The following CCSER1 variants were observed in gnomAD, a reference collection of about 807,000 sequenced individuals.
CCSER1 encodes coiled-coil serine rich protein 1.
In CCSER1, 41 loss-of-function variants were observed where a neutral mutation model predicts 82.0. The ratio of observed to expected loss-of-function variants is 0.50; its 90% confidence interval spans 0.39 to 0.65. The LOEUF (loss-of-function observed/expected upper bound fraction) is 0.65. Ranked by LOEUF, CCSER1 falls within the 30% of genes least tolerant of loss-of-function variation. The pLI, the probability that CCSER1 is intolerant of heterozygous loss-of-function variation, is 0.00. For synonymous variants in CCSER1, 414 were observed against 383.9 expected (o/e 1.08, Z -0.92); for missense variants, 1,119 against 1,064.2 (o/e 1.05, Z -0.72).
intron 10 of CCSER1, among the ~76,000 whole-genome samples, chr4:91,323,974 A>C (rs1194322027): frequency 1.3e-5 from 2 of 152,182 alleles, no homozygotes; most frequent in Non-Finnish European, 2.9e-5. Flanking sequence ...TATGTAGTGG[A>C]CTTTTGGTAA....
chr4:90,712,322 C>T (rs1001249526), intron 6 of CCSER1, among the ~76,000 whole-genome samples: 9 of 151,694 alleles, frequency 5.9e-5, no homozygotes, highest in African/African-American at 2.2e-4. Context: ...AGCTATGTCC[C>T]AGAGATTCTG....
intron 1 of CCSER1, among the ~76,000 whole-genome samples, chr4:90,305,138 A>C (rs1194785011): frequency 6.6e-6 from 1 of 152,020 alleles, no homozygotes; most frequent in Non-Finnish European, 1.5e-5. Flanking sequence ...GGATGGTCTC[A>C]ATCTCCTGAC....
chr4:90,997,907 A>G (rs1416258883), intron 9 of CCSER1, among the ~76,000 whole-genome samples: 1 of 152,118 alleles, frequency 6.6e-6, no homozygotes, highest in Non-Finnish European at 1.5e-5. Flanking sequence ...GAAAGCTGAG[A>G]GCATAATATT....
chr4:90,970,409 G>C (rs1394095088), intron 9 of CCSER1, among the ~76,000 whole-genome samples: 1 of 151,726 alleles, frequency 6.6e-6, no homozygotes, highest in Admixed American at 6.6e-5. Flanking sequence ...GATATAGCAA[G>C]TGAAAAAAAT....
At chr4:90,745,991 C>T (rs1339297686) in intron 7 of CCSER1, among the ~76,000 whole-genome samples, 3 of 152,112 alleles carry the variant, frequency 2.0e-5, no homozygotes, top group African/African-American at 4.8e-5. Flanking sequence ...TGAGCCACCA[C>T]GCCCGGCCTC....
chr4:90,963,591 G>A (rs572425172), intron 9 of CCSER1, among the ~76,000 whole-genome samples: 2 of 151,956 alleles, frequency 1.3e-5, no homozygotes, highest in South Asian at 2.1e-4. Context: ...GTAAGAAGAC[G>A]GAAAACATGC....
chr4:90,994,232 A>C (rs1356418319), intron 9 of CCSER1, among the ~76,000 whole-genome samples: 1 of 152,060 alleles, frequency 6.6e-6, no homozygotes, highest in Non-Finnish European at 1.5e-5. Flanking sequence ...GGAAGAAAAA[A>C]GAAAATGCAT....
At chr4:91,367,952 T>A (rs556257572) in intron 10 of CCSER1, among the ~76,000 whole-genome samples, 1 of 152,338 alleles carries the variant, frequency 6.6e-6, no homozygotes, top group African/African-American at 2.4e-5. Context: ...TGTGTCTTAC[T>A]TTTTGAGTGG....
chr4:90,399,184 T>A (rs1008346021), intron 3 of CCSER1, among the ~76,000 whole-genome samples: 2 of 152,232 alleles, frequency 1.3e-5, no homozygotes, highest in East Asian at 3.9e-4. Flanking sequence ...AATATACAAA[T>A]CAGGACTTTA....
intron 5 of CCSER1, among the ~76,000 whole-genome samples, chr4:90,624,514 C>T (rs1395365504): frequency 6.6e-6 from 1 of 152,178 alleles, no homozygotes; most frequent in African/African-American, 2.4e-5. Flanking sequence ...GTCTGCCATA[C>T]TGACGAGAGA....
In CCSER1 at chr4:90,551,888, A is replaced by G. The variant is rs1777564131; in HGVS notation, c.1725-76137A>G. On this transcript the variant is annotated intron_variant, in intron 5 of 10. Transcript: ENST00000509176. ...TTAAAGAGCAGACATTGATTTTCTCATAGCTCCAGAGGCTGGAAGTGCAGG... is the reference window on the plus strand; with the variant it reads ...TTAAAGAGCAGACATTGATTTTCTCGTAGCTCCAGAGGCTGGAAGTGCAGG... Among the ~76,000 whole-genome samples, 3 of 152,102 alleles carry G rather than the reference A, an allele frequency of 2.0e-5. 1 individual carries two copies. In the Middle Eastern group the frequency reaches 0.01, roughly 517 times the overall value.
chr4:90,645,643 T>C (rs768776959), intron 6 of CCSER1, among the ~76,000 whole-genome samples: 5 of 152,220 alleles, frequency 3.3e-5, no homozygotes, highest in Non-Finnish European at 7.3e-5. Context: ...TTGTTTAACT[T>C]AACTCTTGGT....
chr4:90,973,764 T>A (rs1735342580), intron 9 of CCSER1, among the ~76,000 whole-genome samples: 1 of 151,562 alleles, frequency 6.6e-6, no homozygotes, highest in African/African-American at 2.4e-5. Context: ...AACGTAAATA[T>A]CTGCCCGTGG....
intron 10 of CCSER1, among the ~76,000 whole-genome samples, chr4:91,117,570 A>G (rs1049875500): frequency 1.8e-4 from 28 of 152,362 alleles, no homozygotes; most frequent in Admixed American, 7.8e-4. Context: ...AACCAAAACC[A>G]TCTTTTAAAA....
chr4:90,569,744 G>A (rs546272484), intron 5 of CCSER1, among the ~76,000 whole-genome samples: 21 of 152,164 alleles, frequency 1.4e-4, no homozygotes, highest in Middle Eastern at 3.2e-3. Context: ...TCTCCATCTT[G>A]TGCTGAGTGG....
intron 10 of CCSER1, among the ~76,000 whole-genome samples, chr4:91,437,272 A>T (rs1233634914): frequency 1.3e-5 from 2 of 152,224 alleles, no homozygotes; most frequent in Non-Finnish European, 2.9e-5. Flanking sequence ...CCCTGGGGGA[A>T]GCATGTTTGT....
rs1161111088 is a variant in CCSER1, at chr4:91,153,800, C to G, written c.2217+67806C>G. On this transcript the variant is annotated intron_variant, in intron 10 of 10. Coordinates refer to ENST00000509176, the MANE Select transcript of CCSER1 (RefSeq NM_001145065.2). ...CTCCAGACCCTGTTTGCCTGGGTAT[C>G]ACCAGCGGAGGCTGCAGAACTGCAA... 2.6e-5 allele frequency among the ~76,000 whole-genome samples: 4 copies of G among 152,056 alleles called. No individual in the cohort carries two copies. In the East Asian group the frequency reaches 7.7e-4, roughly 29 times the overall value.
chr4:90,573,629 G>A (rs76146656), intron 5 of CCSER1, among the ~76,000 whole-genome samples: 2,978 of 152,238 alleles, frequency 0.02, 92 homozygotes, highest in African/African-American at 0.068. Flanking sequence ...TGTGAATGTA[G>A]TTTTCTTGGG....
At chr4:90,313,106 C>A (rs758370406) in intron 3 of CCSER1, 59 bp downstream of exon 3, 2 of 1,315,300 alleles carry the variant, frequency 1.5e-6, no homozygotes, top group African/African-American at 1.5e-5. Flanking sequence ...CCGACATGTT[C>A]ATGTCTCTTG....
Sources: allele counts gnomAD v4.1 joint callset (sites outside exome capture counted in the v4.1 genomes callset), GRCh38; gene constraint gnomAD v4.1.1; transcripts MANE v1.5; gene names NCBI Gene and HGNC (gene_info 2026-07-23, HGNC 2026-07-21).